DLGAP1: variants seen among roughly 807,000 people sequenced by gnomAD.
DLGAP1 encodes disks large-associated protein 1.
A neutral mutation model predicts 90.8 loss-of-function variants in DLGAP1; 11 were observed. The observed-to-expected ratio is 0.12, with a 90% confidence interval of 0.08 to 0.20. The LOEUF (loss-of-function observed/expected upper bound fraction) is 0.20, where lower values mean the gene tolerates loss of function less well. DLGAP1 is among the 10% of genes least tolerant of loss of function. DLGAP1 has a pLI of 1.00. For synonymous variants in DLGAP1, 558 were observed against 540.7 expected, an observed-to-expected ratio of 1.03 and a Z score of -0.44; for missense variants, 1,050 against 1,333.8, an observed-to-expected ratio of 0.79 and a Z score of 3.31.
In DLGAP1 at chr18:3,778,419, C is replaced by T. The variant is rs377681673; in HGVS notation, c.1172+35640G>A. Among the ~76,000 whole-genome samples, 9 of 151,254 alleles carry T rather than the reference C, an allele frequency of 6.0e-5. No homozygotes were observed. The East Asian group carries it at 1.6e-3, about 26-fold the overall frequency. ...TTGTACCATTGCACTCCAGCCTGGG[C>T]GACAAGAGCAAGACTCCATCTTAAA... On this transcript the variant is annotated intron_variant, in intron 5 of 12. Coordinates refer to ENST00000315677, the MANE Select transcript of DLGAP1 (RefSeq NM_004746.4).
intron 3 of DLGAP1, among the ~76,000 whole-genome samples, chr18:3,931,715 C>T (rs1008117233): frequency 1.3e-5 from 2 of 152,108 alleles, no homozygotes; most frequent in African/African-American, 4.8e-5. Context: ...TTCTTGTAAA[C>T]CTGAATGGCC....
At chr18:3,816,338 C>A (rs1451823812) in intron 4 of DLGAP1, among the ~76,000 whole-genome samples, 1 of 152,176 alleles carries the variant, frequency 6.6e-6, no homozygotes, top group Non-Finnish European at 1.5e-5. Context: ...ATAGCACACA[C>A]ACATATCAGA....
intron 7 of DLGAP1, among the ~76,000 whole-genome samples, chr18:3,701,618 C>A (rs2061282144): frequency 6.6e-6 from 1 of 152,110 alleles, no homozygotes; most frequent in Admixed American, 6.5e-5. Context: ...AGAATATGGC[C>A]AAGGAGTCCA....
At chr18:4,260,322 G>A (rs556038651) in intron 1 of DLGAP1, among the ~76,000 whole-genome samples, 1 of 152,302 alleles carries the variant, frequency 6.6e-6, no homozygotes, top group Admixed American at 6.5e-5. Context: ...AAATATTTGA[G>A]GGGTTACAGT....
intron 1 of DLGAP1, among the ~76,000 whole-genome samples, chr18:4,210,645 C>G (rs933293831): frequency 6.6e-6 from 1 of 152,056 alleles, no homozygotes; most frequent in African/African-American, 2.4e-5. Context: ...GATGGCCTCT[C>G]GGAGAATAGA....
chr18:3,862,489 A>T (rs1246497752), intron 4 of DLGAP1, among the ~76,000 whole-genome samples: 1 of 152,212 alleles, frequency 6.6e-6, no homozygotes, highest in Non-Finnish European at 1.5e-5. Flanking sequence ...GATATCACGT[A>T]AGGTGCTGCC....
At chr18:3,534,141 C>G (rs2052185536) in intron 10 of DLGAP1, 53 bp downstream of exon 10, 1 of 1,565,626 alleles carries the variant, frequency 6.4e-7, no homozygotes, top group Non-Finnish European at 8.7e-7. Context: ...TCTGCACACA[C>G]AAAGCAACCC....
intron 3 of DLGAP1, among the ~76,000 whole-genome samples, chr18:3,933,799 G>C (rs1452036344): frequency 6.6e-6 from 1 of 152,160 alleles, no homozygotes; most frequent in African/African-American, 2.4e-5. Context: ...GAAGAGGTTG[G>C]CTAAAAGGAG....
intron 5 of DLGAP1, among the ~76,000 whole-genome samples, chr18:3,743,908 C>T: frequency 6.6e-6 from 1 of 152,184 alleles, no homozygotes; most frequent in East Asian, 1.9e-4. Context: ...CCTCGGCCTC[C>T]CAAAGTGTTG....
intron 9 of DLGAP1, among the ~76,000 whole-genome samples, chr18:3,556,008 C>T (rs2053730596): frequency 2.0e-5 from 3 of 152,182 alleles, no homozygotes; most frequent in East Asian, 3.9e-4. Flanking sequence ...CTAGGAAACA[C>T]GCAGAGCATT....
At chr18:4,441,272 G>C (rs2083529979) in intron 1 of DLGAP1, among the ~76,000 whole-genome samples, 1 of 152,136 alleles carries the variant, frequency 6.6e-6, no homozygotes, top group Admixed American at 6.6e-5. Context: ...TCGTTTCTTG[G>C]AAAGAAGAGA....
intron 10 of DLGAP1, among the ~76,000 whole-genome samples, chr18:3,511,393 G>A (rs1007873722): frequency 2.0e-5 from 3 of 152,088 alleles, no homozygotes; most frequent in Admixed American, 6.5e-5. Context: ...CACATGCCTT[G>A]AGGAAGTTGA....
At chr18:4,126,557 G>T (rs2076236206) in intron 2 of DLGAP1, among the ~76,000 whole-genome samples, 1 of 152,102 alleles carries the variant, frequency 6.6e-6, no homozygotes, top group Admixed American at 6.5e-5. Context: ...CACATACAGG[G>T]TAAATATATG....
intron 9 of DLGAP1, among the ~76,000 whole-genome samples, chr18:3,550,383 G>A (rs1023836770): frequency 5.9e-5 from 9 of 151,940 alleles, no homozygotes; most frequent in Admixed American, 2.0e-4. Context: ...ATGCCACCAC[G>A]CCCAGCTAAT....
intron 1 of DLGAP1, among the ~76,000 whole-genome samples, chr18:4,425,548 A>C (rs552441670): frequency 6.6e-6 from 1 of 152,206 alleles, no homozygotes; most frequent in Non-Finnish European, 1.5e-5. Context: ...AGTTCCCCGG[A>C]CAGGAATATG....
intron 7 of DLGAP1, among the ~76,000 whole-genome samples, chr18:3,664,491 C>T (rs983057883): frequency 2.1e-4 from 32 of 152,316 alleles, no homozygotes; most frequent in African/African-American, 7.5e-4. Context: ...ACTCCAGCCA[C>T]ATCACCCTTT....
At chr18:3,970,992 G>A (rs1407958723) in intron 3 of DLGAP1, among the ~76,000 whole-genome samples, 1 of 152,082 alleles carries the variant, frequency 6.6e-6, no homozygotes, top group Non-Finnish European at 1.5e-5. Context: ...GAGATTTAAG[G>A]CCTAATCAAG....
chr18:3,743,189 C>T (rs2063129695), intron 5 of DLGAP1, among the ~76,000 whole-genome samples: 1 of 152,080 alleles, frequency 6.6e-6, no homozygotes, highest in Non-Finnish European at 1.5e-5. Flanking sequence ...CCAAGCTATA[C>T]AGATGTGCAC....
intron 1 of DLGAP1, among the ~76,000 whole-genome samples, chr18:4,188,463 C>T (rs750090028): frequency 1.3e-5 from 2 of 152,126 alleles, no homozygotes; most frequent in Non-Finnish European, 2.9e-5. Context: ...TCTCCCTCCC[C>T]TTGCCCCTCA....
Sources: gnomAD v4.1 joint callset for allele counts (sites outside exome capture counted in the v4.1 genomes callset) on GRCh38, gnomAD v4.1.1 for gene constraint, MANE v1.5 for transcripts, NCBI Gene and HGNC (gene_info 2026-07-23, HGNC 2026-07-21) for gene names.